MDGA2: variants seen among roughly 807,000 people sequenced by gnomAD.
MDGA2 encodes MAM domain-containing glycosylphosphatidylinositol anchor protein 2.
Under a neutral mutation model 117.8 loss-of-function variants are expected in MDGA2, and 40 were observed. That is an observed-to-expected ratio of 0.34 (90% CI 0.26 to 0.44). The LOEUF is 0.44. Among genes scored for constraint, MDGA2 ranks in the 20% least tolerant of loss-of-function variants. MDGA2 has a pLI of 1.00. For synonymous variants in MDGA2, 452 were observed against 439.0 expected (o/e 1.03, Z -0.37); for missense variants, 1,123 against 1,250.6 (o/e 0.90, Z 1.54).
At chr14:47,106,442 C>T (rs574151453) in intron 5 of MDGA2, among the ~76,000 whole-genome samples, 59 of 152,074 alleles carry the variant, frequency 3.9e-4, no homozygotes, top group Non-Finnish European at 6.8e-4. Flanking sequence ...CCTCCTCCCA[C>T]AGGAGCTTGC....
At chr14:47,174,705 C>A (rs973853983) in intron 3 of MDGA2, among the ~76,000 whole-genome samples, 2 of 151,942 alleles carry the variant, frequency 1.3e-5, no homozygotes, top group Non-Finnish European at 2.9e-5. Flanking sequence ...AGGAAAGATA[C>A]AAAATTGACA....
chr14:47,044,159 A>G (rs1430496350), intron 7 of MDGA2, among the ~76,000 whole-genome samples: 3 of 152,082 alleles, frequency 2.0e-5, no homozygotes, highest in Non-Finnish European at 2.9e-5. Context: ...TAAGAAAACC[A>G]TTGATTAATA....
chr14:46,876,714 A>AC (rs397853229), intron 12 of MDGA2, among the ~76,000 whole-genome samples: 2 of 151,344 alleles, frequency 1.3e-5, no homozygotes, highest in Non-Finnish European at 3.0e-5. Flanking sequence ...ACAAAAAAAA[A>AC]CTCAGGAACA....
chr14:47,460,567 A>G (rs1379549828), intron 1 of MDGA2, among the ~76,000 whole-genome samples: 1 of 152,176 alleles, frequency 6.6e-6, no homozygotes, highest in Admixed American at 6.5e-5. Context: ...ATTCATAACG[A>G]AAGATGAAAA....
chr14:47,408,016 A>G (rs1892293747), intron 1 of MDGA2, among the ~76,000 whole-genome samples: 1 of 150,696 alleles, frequency 6.6e-6, no homozygotes, highest in Admixed American at 6.6e-5. Context: ...GAATTTGTAG[A>G]TATAATTAAT....
chr14:47,465,766 G>C (rs112645670), intron 1 of MDGA2, among the ~76,000 whole-genome samples: 21 of 152,058 alleles, frequency 1.4e-4, no homozygotes, highest in African/African-American at 5.1e-4. Flanking sequence ...TGTAAAGCAG[G>C]ATGGCGATTT....
intron 1 of MDGA2, among the ~76,000 whole-genome samples, chr14:47,390,223 C>G (rs892941128): frequency 6.6e-6 from 1 of 152,142 alleles, no homozygotes; most frequent in African/African-American, 2.4e-5. Flanking sequence ...ATTTAGAAAA[C>G]TTTTCACTTC....
chr14:47,437,344 G>A (rs1448782039), intron 1 of MDGA2, among the ~76,000 whole-genome samples: 6 of 152,038 alleles, frequency 3.9e-5, no homozygotes, highest in Non-Finnish European at 8.8e-5. Context: ...ATGTGATAAT[G>A]CACCTAACCA....
intron 1 of MDGA2, among the ~76,000 whole-genome samples, chr14:47,599,686 C>T (rs1312772617): frequency 6.6e-6 from 1 of 152,070 alleles, no homozygotes; most frequent in Non-Finnish European, 1.5e-5. Context: ...AAGTGTGTCC[C>T]CATCTCTTCC....
intron 1 of MDGA2, among the ~76,000 whole-genome samples, chr14:47,624,465 T>TAAAC (rs1246156497): frequency 1.3e-5 from 2 of 152,014 alleles, no homozygotes; most frequent in South Asian, 2.1e-4. Flanking sequence ...CTCAAATAAG[T>TAAAC]AAACAAACAA....
intron 5 of MDGA2, among the ~76,000 whole-genome samples, chr14:47,118,791 C>A (rs1024232911): frequency 6.6e-6 from 1 of 152,124 alleles, no homozygotes; most frequent in Non-Finnish European, 1.5e-5. Flanking sequence ...TGGAGTGCAG[C>A]GGCGTGATCA....
chr14:46,841,781 G>A lies in MDGA2; in HGVS notation c.*150C>T, dbSNP rs1330913404. ...TCCATGATGTCTTTTTATCCCCAGT[G>A]CTTAAAAAAATTTGTTTTTATTATT... On this transcript the variant is annotated 3_prime_UTR_variant, in exon 17 of 17. Coordinates refer to ENST00000399232, the MANE Select transcript of MDGA2 (RefSeq NM_001113498.3). The A allele has an allele frequency of 9.6e-6, 5 of 522,548 alleles. No individual in the cohort carries two copies. The highest frequency in any genetic ancestry group is 1.4e-5 in the Non-Finnish European group (4 of 292,198). The allele number at this position is 522,548 out of a possible 1,614,324, so 32.4% of individuals were successfully genotyped here. A position where few individuals can be genotyped will look rare whatever the true frequency, so the allele number is the denominator to read the frequency against.
At chr14:47,421,421 T>C (rs914449469) in intron 1 of MDGA2, among the ~76,000 whole-genome samples, 1 of 152,142 alleles carries the variant, frequency 6.6e-6, no homozygotes, top group African/African-American at 2.4e-5. Context: ...TGGTTCATGT[T>C]TTCAGAAAAA....
chr14:47,558,721 AATTTAAC>A (rs1895736128), intron 1 of MDGA2, among the ~76,000 whole-genome samples: 1 of 152,192 alleles, frequency 6.6e-6, no homozygotes, highest in African/African-American at 2.4e-5. Context: ...AGTGCATATA[AATTTAAC>A]CCTTTCACCA....
chr14:47,129,588 G>A (rs1882092599), intron 5 of MDGA2, among the ~76,000 whole-genome samples: 1 of 148,740 alleles, frequency 6.7e-6, no homozygotes, highest in South Asian at 2.1e-4. Context: ...ATGATTTATA[G>A]TCCTTTGGGT....
At chr14:47,428,514 C>A (rs1427954401) in intron 1 of MDGA2, among the ~76,000 whole-genome samples, 1 of 152,030 alleles carries the variant, frequency 6.6e-6, no homozygotes, top group African/African-American at 2.4e-5. Context: ...GCTACTGTTT[C>A]ACAATAAAAA....
intron 4 of MDGA2, among the ~76,000 whole-genome samples, chr14:47,138,096 T>C (rs892784670): frequency 6.6e-6 from 1 of 152,112 alleles, no homozygotes; most frequent in East Asian, 1.9e-4. Context: ...GCAGAATGTA[T>C]AAGAAAGCAG....
In MDGA2 at chr14:47,218,071, T is replaced by C; in HGVS notation, c.545A>G (p.Glu182Gly). ...HQGGRYYCKAENGLGSPAIKS... is the reference protein window; with the variant it reads ...HQGGRYYCKAGNGLGSPAIKS... ...TATCGCTGGAGACCCCAAGCCATTC[T>C]CTGCTTTACAGTAATACCGGCCTCC... Residue 182 changes from glutamate to glycine, a missense_variant, in exon 3 of 17, where the codon GAG (glutamate) becomes GGG (glycine). Physicochemically the swap from Glu to Gly is moderately conservative, Grantham distance 98. Coordinates refer to ENST00000399232, the MANE Select transcript of MDGA2 (RefSeq NM_001113498.3). 1 of 1,551,444 alleles carries C rather than the reference T, an allele frequency of 6.4e-7. No homozygotes were observed. The highest frequency in any genetic ancestry group is 8.7e-7 in the Non-Finnish European group (1 of 1,146,676).
chr14:47,646,358 T>C (rs1023015185), intron 1 of MDGA2, among the ~76,000 whole-genome samples: 5 of 152,010 alleles, frequency 3.3e-5, no homozygotes, highest in Non-Finnish European at 7.4e-5. Flanking sequence ...ACATATATAA[T>C]ACTCATATAT....
Sources: gnomAD v4.1 joint callset for allele counts (sites outside exome capture counted in the v4.1 genomes callset) on GRCh38, gnomAD v4.1.1 for gene constraint, MANE v1.5 for transcripts, NCBI Gene and HGNC (gene_info 2026-07-23, HGNC 2026-07-21) for gene names.